Variants in ADAM22 observed in about 807,000 individuals in gnomAD.
ADAM22 encodes disintegrin and metalloproteinase domain-containing protein 22.
ADAM22 carries 65 observed loss-of-function variants against 144.6 expected under a neutral mutation model. That is an observed-to-expected ratio of 0.45 (90% CI 0.37 to 0.55). The LOEUF (loss-of-function observed/expected upper bound fraction) is 0.55. ADAM22 is among the 20% of genes least tolerant of loss of function. ADAM22 has a pLI of 0.00. For synonymous variants in ADAM22, 391 were observed against 412.6 expected, an observed-to-expected ratio of 0.95 and a Z score of 0.63; for missense variants, 974 against 1,184.9, an observed-to-expected ratio of 0.82 and a Z score of 2.61.
chr7:88,176,241 T>C (rs1346875929), intron 26 of ADAM22, among the ~76,000 whole-genome samples: 2 of 152,100 alleles, frequency 1.3e-5, no homozygotes, highest in Non-Finnish European at 2.9e-5. Context: ...CCAGAAACAT[T>C]ATTCTTAAGA....
chr7:88,080,656 C>T lies in ADAM22; in HGVS notation c.390+4964C>T, dbSNP rs376549886. Among the ~76,000 whole-genome samples, 16 of 152,044 alleles carry T rather than the reference C, an allele frequency of 1.1e-4. No individual in the cohort carries two copies. The South Asian group carries it at 3.3e-3, about 32-fold the overall frequency. On this transcript the variant is annotated intron_variant, in intron 4 of 31. Transcript: ENST00000413139. ...ATCAAATAGACGCAATAAAAAATGACAAAGGTGATATCTCCACCGATCCCA... is the reference window on the plus strand; with the variant it reads ...ATCAAATAGACGCAATAAAAAATGATAAAGGTGATATCTCCACCGATCCCA...
chr7:88,078,437 T>G (rs758155187), intron 4 of ADAM22, among the ~76,000 whole-genome samples: 1 of 152,100 alleles, frequency 6.6e-6, no homozygotes, highest in Non-Finnish European at 1.5e-5. Context: ...AAAATCAGAG[T>G]GCCTCTCTTC....
chr7:87,977,247 A>G (rs1353793839), intron 2 of ADAM22, among the ~76,000 whole-genome samples: 1 of 152,180 alleles, frequency 6.6e-6, no homozygotes, highest in Non-Finnish European at 1.5e-5. Context: ...TATTATTATT[A>G]ATCAGACTCT....
chr7:88,112,305 T>C (rs1341796124), intron 5 of ADAM22, among the ~76,000 whole-genome samples: 1 of 152,184 alleles, frequency 6.6e-6, no homozygotes, highest in Non-Finnish European at 1.5e-5. Flanking sequence ...GTTGAGGACA[T>C]GTGGAAGATG....
chr7:88,151,225 A>T (rs1241359695), intron 19 of ADAM22, 32 bp from the exon 20 acceptor site: 4 of 1,613,172 alleles, frequency 2.5e-6, no homozygotes, highest in Non-Finnish European at 3.4e-6. Flanking sequence ...CAGATATTGC[A>T]TCGCTAATGG....
intron 2 of ADAM22, among the ~76,000 whole-genome samples, chr7:87,959,808 AT>A (rs1562858473): frequency 6.6e-6 from 1 of 152,204 alleles, no homozygotes; most frequent in Non-Finnish European, 1.5e-5. Context: ...AACAATACTG[AT>A]TTTTAATATA....
intron 2 of ADAM22, among the ~76,000 whole-genome samples, chr7:87,961,730 A>G (rs1848037789): frequency 6.6e-6 from 1 of 152,194 alleles, no homozygotes; most frequent in African/African-American, 2.4e-5. Context: ...GTCTTTGAAC[A>G]TGTTAATATC....
chr7:87,986,597 C>A (rs936813959), intron 3 of ADAM22, among the ~76,000 whole-genome samples: 1 of 152,148 alleles, frequency 6.6e-6, no homozygotes, highest in Non-Finnish European at 1.5e-5. Flanking sequence ...CTGTGCTAGG[C>A]TTGAGTTAGC....
intron 14 of ADAM22, among the ~76,000 whole-genome samples, chr7:88,141,594 A>G (rs1377316611): frequency 6.6e-6 from 1 of 152,122 alleles, no homozygotes; most frequent in Non-Finnish European, 1.5e-5. Context: ...ATAGAAAATA[A>G]AATCTTGGTG....
At chr7:87,972,255 G>A (rs1355517600) in intron 2 of ADAM22, among the ~76,000 whole-genome samples, 2 of 152,086 alleles carry the variant, frequency 1.3e-5, no homozygotes, top group Non-Finnish European at 2.9e-5. Flanking sequence ...CAAAATCAAT[G>A]TACAAAAATC....
At chr7:88,171,880 G>A (rs971260018) in intron 26 of ADAM22, among the ~76,000 whole-genome samples, 2 of 151,574 alleles carry the variant, frequency 1.3e-5, no homozygotes, top group African/African-American at 4.8e-5. Context: ...TCTATGTTAA[G>A]GTGTCCCATT....
In ADAM22 at chr7:88,151,321, G is replaced by A; in HGVS notation, c.1681+1G>A. The A allele has an allele frequency of 6.2e-7, 1 of 1,614,090 alleles. No individual in the cohort carries two copies. Among genetic ancestry groups the A allele is most frequent in the Non-Finnish European group, 8.5e-7 (1 of 1,179,960 alleles). ...CAATGCAAATACATTTGGGGGCAAA[G>A]TAAGTAAATAGTGTGGCTTGATCAT... On this transcript the variant is annotated splice_donor_variant, in intron 20 of 31. Coordinates refer to ENST00000413139, the MANE Select transcript of ADAM22 (RefSeq NM_001324418.2). LOFTEE classifies it high-confidence loss of function.
At chr7:88,047,305 A>C (rs996892363) in intron 3 of ADAM22, among the ~76,000 whole-genome samples, 2 of 152,034 alleles carry the variant, frequency 1.3e-5, no homozygotes, top group Non-Finnish European at 2.9e-5. Context: ...TATTCTTTTC[A>C]TTTGAAATGT....
At chr7:88,145,636 C>T (rs1586169424) in intron 17 of ADAM22, 129 bp downstream of exon 17, 1 of 676,426 alleles carries the variant, frequency 1.5e-6, no homozygotes. Context: ...GTGCCAGGTG[C>T]TTTATAGGAT....
Position 88,075,698 on chromosome 7 carries a change from T to G in ADAM22, c.390+6T>G. On this transcript the variant is annotated splice_donor_region_variant and intron_variant, in intron 4 of 31. Transcript: ENST00000413139. ...GCAAGACTGTGGAAGTTAAAGTAAG[T>G]GAAATTTTCCTACTTGTGGGGAAAT... The G allele has an allele frequency of 6.2e-7, 1 of 1,611,554 alleles. No homozygotes were observed. The highest frequency in any genetic ancestry group is 8.5e-7 in the Non-Finnish European group (1 of 1,178,244).
intron 2 of ADAM22, among the ~76,000 whole-genome samples, chr7:87,945,760 G>T (rs1019081946): frequency 6.6e-6 from 1 of 151,930 alleles, no homozygotes; most frequent in East Asian, 1.9e-4. Flanking sequence ...TGATCCACCC[G>T]CCTCGGCCTC....
At chr7:88,072,694 A>AT (rs1305351683) in intron 3 of ADAM22, among the ~76,000 whole-genome samples, 4 of 152,174 alleles carry the variant, frequency 2.6e-5, no homozygotes, top group Middle Eastern at 3.4e-3. Flanking sequence ...CAGCTGAATG[A>AT]TTTTTTTCTG....
intron 2 of ADAM22, among the ~76,000 whole-genome samples, chr7:87,955,966 C>T (rs1273467590): frequency 1.3e-5 from 2 of 152,214 alleles, no homozygotes; most frequent in African/African-American, 4.8e-5. Flanking sequence ...GCGCCGTTTC[C>T]TAAGCCCATC....
chr7:87,973,638 C>T (rs185763100), intron 2 of ADAM22, among the ~76,000 whole-genome samples: 3,134 of 152,180 alleles, frequency 0.021, 64 homozygotes, highest in South Asian at 0.062. Context: ...CACATGCACA[C>T]GTATGTTTAT....
Sources: allele counts gnomAD v4.1 joint callset (sites outside exome capture counted in the v4.1 genomes callset), GRCh38; gene constraint gnomAD v4.1.1; transcripts MANE v1.5; gene names NCBI Gene and HGNC (gene_info 2026-07-23, HGNC 2026-07-21).